ANO3: variants seen among roughly 807,000 people sequenced by gnomAD.
ANO3 encodes the protein anoctamin 3.
ANO3 carries 99 observed loss-of-function variants against 144.8 expected under a neutral mutation model. The ratio of observed to expected loss-of-function variants is 0.68; its 90% CI spans 0.58 to 0.81. The LOEUF (loss-of-function observed/expected upper bound fraction) is 0.81, where lower values mean the gene tolerates loss of function less well. Ranked by LOEUF, ANO3 falls within the 30% of genes least tolerant of loss-of-function variation. The pLI is 0.00. For missense variants in ANO3, 905 were observed against 1,202.2 expected, an observed-to-expected ratio of 0.75 and a Z score of 3.66; for synonymous variants, 414 against 392.6, an observed-to-expected ratio of 1.05 and a Z score of -0.64.
rs575543272 is a variant in ANO3 at position 26,454,172 on chromosome 11, A to G, written c.314-8858A>G. Among the ~76,000 whole-genome samples the G allele has an allele frequency of 2.0e-5, 3 of 152,188 alleles. No homozygotes were observed. In the South Asian group the frequency reaches 6.2e-4, roughly 32 times the overall value. On this transcript the variant is annotated intron_variant, in intron 3 of 26. Transcript: ENST00000256737. ...TAACATCACAATTAAAAGAACTAGA[A>G]AAGCAAGAGCAAACACATTCAAAAG... is the stretch of plus-strand genomic sequence containing the variant.
chr11:26,384,571 A>C (rs1425756344), intron 1 of ANO3, among the ~76,000 whole-genome samples: 2 of 152,004 alleles, frequency 1.3e-5, no homozygotes, highest in African/African-American at 4.8e-5. Flanking sequence ...TGTTTCCTTG[A>C]TTCCTTCTTT....
intron 3 of ANO3, among the ~76,000 whole-genome samples, chr11:26,454,714 C>T (rs1235389279): frequency 6.6e-6 from 1 of 152,004 alleles, no homozygotes; most frequent in Non-Finnish European, 1.5e-5. Flanking sequence ...GGAATCCTCC[C>T]TCATTTTATG....
intron 17 of ANO3, among the ~76,000 whole-genome samples, chr11:26,616,556 C>T (rs1424792636): frequency 1.3e-5 from 2 of 151,548 alleles, no homozygotes; most frequent in African/African-American, 4.9e-5. Context: ...ATGAAGGAGC[C>T]AAATATGGTT....
chr11:26,349,770 G>A (rs1360043746), intron 1 of ANO3, among the ~76,000 whole-genome samples: 1 of 151,994 alleles, frequency 6.6e-6, no homozygotes, highest in African/African-American at 2.4e-5. Context: ...GGATGGTCTC[G>A]ATCTCCTGAC....
intron 1 of ANO3, among the ~76,000 whole-genome samples, chr11:26,434,479 G>A (rs1233074221): frequency 6.6e-6 from 1 of 152,020 alleles, no homozygotes; most frequent in Admixed American, 6.5e-5. Context: ...TTTGGGGTTG[G>A]TTTACTCTTG....
intron 1 of ANO3, among the ~76,000 whole-genome samples, chr11:26,211,159 C>G (rs1851924101): frequency 6.6e-6 from 1 of 152,100 alleles, no homozygotes; most frequent in South Asian, 2.1e-4. Context: ...GAAACAGTCT[C>G]TTAGAACACA....
intron 6 of ANO3, among the ~76,000 whole-genome samples, chr11:26,522,874 T>C (rs1252474419): frequency 3.3e-5 from 5 of 152,190 alleles, no homozygotes; most frequent in Non-Finnish European, 5.9e-5. Context: ...ATCTCATTTT[T>C]TTTAATATAG....
chr11:26,240,828 T>G (rs1050099735), intron 1 of ANO3, among the ~76,000 whole-genome samples: 1 of 152,210 alleles, frequency 6.6e-6, no homozygotes, highest in African/African-American at 2.4e-5. Context: ...ATATTCTGTA[T>G]GATATTCCTC....
At chr11:26,334,713 T>C (rs921786572) in intron 1 of ANO3, among the ~76,000 whole-genome samples, 13 of 152,222 alleles carry the variant, frequency 8.5e-5, no homozygotes, top group Non-Finnish European at 1.8e-4. Flanking sequence ...TGTGACCAGA[T>C]AAAGAGGAGA....
chr11:26,455,950 C>G (rs1368468135), intron 3 of ANO3, among the ~76,000 whole-genome samples: 2 of 151,412 alleles, frequency 1.3e-5, no homozygotes, highest in East Asian at 1.9e-4. Context: ...CTTTGACAAA[C>G]CTGAGAAAAA....
chr11:26,280,186 C>T (rs1853646969), intron 1 of ANO3, among the ~76,000 whole-genome samples: 1 of 152,198 alleles, frequency 6.6e-6, no homozygotes. Flanking sequence ...TGTGCAACTA[C>T]TACTTAATTC....
At chr11:26,417,286 A>G (rs765456155) in intron 1 of ANO3, among the ~76,000 whole-genome samples, 2 of 152,154 alleles carry the variant, frequency 1.3e-5, no homozygotes, top group Non-Finnish European at 2.9e-5. Context: ...ACACAACCCA[A>G]ATATCTTTCA....
chr11:26,341,350 T>A (rs1855354152), intron 1 of ANO3, among the ~76,000 whole-genome samples: 1 of 152,188 alleles, frequency 6.6e-6, no homozygotes, highest in Non-Finnish European at 1.5e-5. Flanking sequence ...ATGTGTGAAA[T>A]AAAAGATATT....
At chr11:26,551,822 G>A (rs916439379) in intron 12 of ANO3, among the ~76,000 whole-genome samples, 1 of 151,828 alleles carries the variant, frequency 6.6e-6, no homozygotes, top group African/African-American at 2.4e-5. Flanking sequence ...TTTTTAAAAT[G>A]TGTAGTTTAC....
chr11:26,396,645 A>G (rs1273218031), intron 1 of ANO3, among the ~76,000 whole-genome samples: 1 of 152,158 alleles, frequency 6.6e-6, no homozygotes, highest in Non-Finnish European at 1.5e-5. Context: ...CTTTGCAGGT[A>G]CATGAATGAA....
At chr11:26,480,418 G>T (rs1338201444) in intron 4 of ANO3, among the ~76,000 whole-genome samples, 5 of 151,750 alleles carry the variant, frequency 3.3e-5, no homozygotes, top group African/African-American at 9.7e-5. Flanking sequence ...AGTTTTTTTT[G>T]TTTGTTTGTT....
chr11:26,211,575 G>C (rs143164863), intron 1 of ANO3, among the ~76,000 whole-genome samples: 1 of 152,064 alleles, frequency 6.6e-6, no homozygotes, highest in African/African-American at 2.4e-5. Flanking sequence ...ATGCTGGAGC[G>C]GATGTGGAGA....
At chr11:26,541,914 A>G in intron 10 of ANO3, 33 bp from the exon 11 acceptor site, 1 of 1,581,480 alleles carries the variant, frequency 6.3e-7, no homozygotes, top group Non-Finnish European at 8.6e-7. Context: ...ACTAAAAAAT[A>G]GAACCAAATG....
chr11:26,343,623 T>G (rs1224410913), intron 1 of ANO3, among the ~76,000 whole-genome samples: 1 of 152,230 alleles, frequency 6.6e-6, no homozygotes, highest in Non-Finnish European at 1.5e-5. Flanking sequence ...TAGTACAGAC[T>G]GAACATATCA....
Sources: allele counts gnomAD v4.1 joint callset (sites outside exome capture counted in the v4.1 genomes callset), GRCh38; gene constraint gnomAD v4.1.1; transcripts MANE v1.5; gene names NCBI Gene and HGNC (gene_info 2026-07-23, HGNC 2026-07-21).